The following TRPC5 variants were observed in gnomAD, a reference collection of about 807,000 sequenced individuals.
TRPC5 encodes the protein short transient receptor potential channel 5.
A neutral mutation model predicts 56.5 loss-of-function variants in TRPC5; 9 were observed. That is an observed-to-expected ratio of 0.16 (90% CI 0.10 to 0.28). The LOEUF is 0.28. Ranked by LOEUF, TRPC5 falls within the 10% of genes least tolerant of loss-of-function variation. TRPC5 has a pLI of 1.00. For missense variants in TRPC5, 469 were observed against 748.9 expected (o/e 0.63, Z 4.36); for synonymous variants, 282 against 278.5 (o/e 1.01, Z -0.13).
chrX:111,814,875 A>G (rs186603672), intron 7 of TRPC5, among the ~76,000 whole-genome samples: 1 of 110,805 alleles, frequency 9.0e-6, no homozygotes, highest in Non-Finnish European at 1.9e-5. Flanking sequence ...CTCAGGTGCT[A>G]CACTTCAGGG....
At chrX:111,906,570 T>C (rs1925634755) in intron 3 of TRPC5, among the ~76,000 whole-genome samples, 1 of 111,247 alleles carries the variant, frequency 9.0e-6, no homozygotes, top group South Asian at 3.8e-4. Flanking sequence ...GGAAATCAGC[T>C]CTGTTGCAGC....
intron 7 of TRPC5, among the ~76,000 whole-genome samples, chrX:111,810,160 G>T (rs371364012): frequency 9.0e-6 from 1 of 110,996 alleles, no homozygotes; most frequent in African/African-American, 3.3e-5. Flanking sequence ...TGATCCGCCC[G>T]CCTCGACCTC....
At chrX:111,805,460 G>A (rs1204652365) in intron 7 of TRPC5, among the ~76,000 whole-genome samples, 1 of 111,147 alleles carries the variant, frequency 9.0e-6, no homozygotes, top group Admixed American at 9.7e-5. Flanking sequence ...GGTAGAATTC[G>A]GCTGTGAATC....
chrX:111,827,592 C>T (rs1322966821), intron 7 of TRPC5, among the ~76,000 whole-genome samples: 1 of 111,783 alleles, frequency 8.9e-6, no homozygotes, highest in Non-Finnish European at 1.9e-5. Context: ...CTTTTGCTCA[C>T]ACTTCACATC....
intron 1 of TRPC5, among the ~76,000 whole-genome samples, chrX:111,976,145 G>A (rs767634153): frequency 8.9e-6 from 1 of 111,741 alleles, no homozygotes; most frequent in South Asian, 3.8e-4. Flanking sequence ...TATGGAGGCT[G>A]GGCATGATGA....
At chrX:112,017,138 C>T (rs759677156) in intron 1 of TRPC5, among the ~76,000 whole-genome samples, 26 of 111,416 alleles carry the variant, frequency 2.3e-4, no homozygotes, top group Non-Finnish European at 3.2e-4. Context: ...CTCAGCCTCC[C>T]GAGTAGCTGG....
At chrX:112,038,403 C>T (rs969598966) in intron 1 of TRPC5, among the ~76,000 whole-genome samples, 2 of 111,767 alleles carry the variant, frequency 1.8e-5, no homozygotes, top group African/African-American at 6.5e-5. Context: ...TCCAGCAATG[C>T]CCTCAGAACC....
chrX:111,992,949 C>T (rs954096910), intron 1 of TRPC5, among the ~76,000 whole-genome samples: 13 of 110,339 alleles, frequency 1.2e-4, no homozygotes, highest in African/African-American at 1.3e-4. Context: ...ATGTGCACAA[C>T]GTGCAGGTTT....
chrX:111,940,200 C>T (rs1226754636), intron 2 of TRPC5, among the ~76,000 whole-genome samples: 1 of 109,850 alleles, frequency 9.1e-6, no homozygotes, highest in Non-Finnish European at 1.9e-5. Flanking sequence ...TGTTTACTTT[C>T]CATGTGTTTG....
At chrX:111,955,929 GC>G (rs1189507529) in intron 1 of TRPC5, among the ~76,000 whole-genome samples, 2 of 112,255 alleles carry the variant, frequency 1.8e-5, no homozygotes, top group Non-Finnish European at 3.8e-5. Context: ...TTGCCATTCT[GC>G]CAGTGAACCC....
intron 1 of TRPC5, among the ~76,000 whole-genome samples, chrX:112,040,006 T>G: frequency 8.9e-6 from 1 of 112,052 alleles, no homozygotes; most frequent in Non-Finnish European, 1.9e-5. Context: ...CTTTCTTAAT[T>G]ATAGTCCTTC....
At chrX:111,997,365 TCTG>T (rs1928567222) in intron 1 of TRPC5, among the ~76,000 whole-genome samples, 1 of 111,948 alleles carries the variant, frequency 8.9e-6, no homozygotes, top group Non-Finnish European at 1.9e-5. Context: ...TGACGAGAGA[TCTG>T]CTGTTAGTCT....
At chrX:111,777,329 C>G (rs1665671903) in intron 10 of TRPC5, among the ~76,000 whole-genome samples, 1 of 111,013 alleles carries the variant, frequency 9.0e-6, no homozygotes, top group Non-Finnish European at 1.9e-5. Context: ...GACACTGGCT[C>G]TCAGGTGTCT....
chrX:111,905,534 A>T (rs891122360), intron 3 of TRPC5, among the ~76,000 whole-genome samples: 1 of 112,197 alleles, frequency 8.9e-6, no homozygotes, highest in Admixed American at 9.5e-5. Context: ...CATTATACTT[A>T]TGAAGGTTGG....
At chrX:111,861,716 C>A (rs1373485492) in intron 3 of TRPC5, among the ~76,000 whole-genome samples, 3 of 111,134 alleles carry the variant, frequency 2.7e-5, no homozygotes, top group Admixed American at 1.9e-4. Flanking sequence ...TGGGTAAAAT[C>A]GGAAGATGAG....
At chrX:111,810,222 T>C (rs1921661214) in intron 7 of TRPC5, among the ~76,000 whole-genome samples, 1 of 111,370 alleles carries the variant, frequency 9.0e-6, no homozygotes, top group Non-Finnish European at 1.9e-5. Context: ...TCTTTTGCCA[T>C]ATTCTATTTG....
At chrX:111,924,508 T>C (rs1307464433) in intron 2 of TRPC5, among the ~76,000 whole-genome samples, 1 of 110,177 alleles carries the variant, frequency 9.1e-6, no homozygotes, top group East Asian at 2.9e-4. Context: ...AGATCAGAAA[T>C]CTAGAAGCAA....
At chrX:111,983,604 C>G (rs776865970) in intron 1 of TRPC5, among the ~76,000 whole-genome samples, 39 of 111,723 alleles carry the variant, frequency 3.5e-4, no homozygotes, top group Admixed American at 7.6e-4. Context: ...TTGGCTATAG[C>G]TCATGAATTA....
At chrX:111,837,906 C>CA (rs757607444) in intron 6 of TRPC5, among the ~76,000 whole-genome samples, 6,434 of 42,593 alleles carry the variant, frequency 0.15, 691 homozygotes, top group African/African-American at 0.32. Context: ...GCCCCGTTAT[C>CA]AAAAAAAAAA....
Sources: gnomAD v4.1 joint callset for allele counts (sites outside exome capture counted in the v4.1 genomes callset) on GRCh38, gnomAD v4.1.1 for gene constraint, MANE v1.5 for transcripts, NCBI Gene and HGNC (gene_info 2026-07-23, HGNC 2026-07-21) for gene names.